SCLT1: variants seen among roughly 807,000 people sequenced by gnomAD.
SCLT1 encodes the protein sodium channel and clathrin linker 1.
A neutral mutation model predicts 112.8 loss-of-function variants in SCLT1; 78 were observed. The observed-to-expected ratio is 0.69, with a 90% CI of 0.58 to 0.83. SCLT1 has a LOEUF of 0.83. SCLT1 is among the 40% of genes least tolerant of loss of function. SCLT1 has a pLI of 0.00. For missense variants in SCLT1, 747 were observed against 770.4 expected (o/e 0.97, Z 0.36); for synonymous variants, 257 against 254.7 (o/e 1.01, Z -0.09).
intron 10 of SCLT1, among the ~76,000 whole-genome samples, chr4:128,965,660 T>A (rs1235229741): frequency 6.6e-6 from 1 of 152,168 alleles, no homozygotes; most frequent in Admixed American, 6.5e-5. Context: ...CTTAACTATA[T>A]TATTCTATGT....
chr4:129,027,970 G>T (rs1204755126), intron 5 of SCLT1, among the ~76,000 whole-genome samples: 4 of 152,054 alleles, frequency 2.6e-5, no homozygotes, highest in Non-Finnish European at 5.9e-5. Flanking sequence ...AACTTACAAG[G>T]GACGGGAAGG....
At position 129,043,396 on chromosome 4, in the gene SCLT1, TG is replaced by T; in HGVS notation, c.232del (p.Gln78ArgfsTer7). On this transcript the variant is annotated frameshift_variant and splice_region_variant, in exon 4 of 21. Transcript: ENST00000281142. LOFTEE classifies it high-confidence loss of function. ...GELNGQLKYY[Q>X]KQVGEMKLQL... ...AGCCTCATAACTATGATTTCATACC[TG>T]GTAATATTTCAGCTGCCCATTTAGT... is the stretch of plus-strand genomic sequence containing the variant. 7.0e-7 allele frequency: 1 copy of T among 1,436,082 alleles called. No individual in the cohort carries two copies. Among genetic ancestry groups the T allele is most frequent in the South Asian group, 1.2e-5 (1 of 83,202 alleles). 89.0% of individuals were successfully genotyped at this position (1,436,082 alleles called of 1,614,324 possible).
chr4:129,081,371 C>T (rs939954529), intron 2 of SCLT1, among the ~76,000 whole-genome samples: 3 of 152,198 alleles, frequency 2.0e-5, no homozygotes, highest in Admixed American at 1.3e-4. Context: ...ACCTTTTAAA[C>T]GCTTATTCTG....
chr4:128,901,490 G>A (rs908872036), intron 18 of SCLT1, among the ~76,000 whole-genome samples: 2 of 147,558 alleles, frequency 1.4e-5, no homozygotes, highest in African/African-American at 5.0e-5. Flanking sequence ...AGGGACACAG[G>A]AAGGGGAACA....
intron 1 of SCLT1, among the ~76,000 whole-genome samples, chr4:129,083,618 T>TGA (rs1045577211): frequency 2.0e-5 from 3 of 152,008 alleles, no homozygotes; most frequent in Admixed American, 6.5e-5. Flanking sequence ...CAGTGAGCTA[T>TGA]GATTGCACTA....
At chr4:129,007,751 A>G (rs1352262060) in intron 5 of SCLT1, among the ~76,000 whole-genome samples, 1 of 152,174 alleles carries the variant, frequency 6.6e-6, no homozygotes, top group East Asian at 1.9e-4. Context: ...ATCTGGGTTT[A>G]TATCTACTAC....
At chr4:129,035,019 C>T (rs952134057) in intron 5 of SCLT1, among the ~76,000 whole-genome samples, 1 of 152,100 alleles carries the variant, frequency 6.6e-6, no homozygotes, top group African/African-American at 2.4e-5. Flanking sequence ...ATTTTATTCA[C>T]TAATGTATCT....
At chr4:129,027,006 A>C (rs1746166037) in intron 5 of SCLT1, among the ~76,000 whole-genome samples, 1 of 152,202 alleles carries the variant, frequency 6.6e-6, no homozygotes, top group Non-Finnish European at 1.5e-5. Flanking sequence ...ACCAGGAAGA[A>C]GTTGAATCTC....
intron 2 of SCLT1, 112 bp downstream of exon 2, chr4:129,082,194 A>G (rs1026662755): frequency 1.1e-5 from 5 of 457,402 alleles, no homozygotes; most frequent in Non-Finnish European, 2.0e-5. Context: ...TACTTTCATT[A>G]AGCAAAAACA....
intron 13 of SCLT1, 57 bp from the exon 14 acceptor site, chr4:128,952,897 T>G (rs1222462392): frequency 9.5e-6 from 8 of 842,190 alleles, no homozygotes; most frequent in Admixed American, 3.8e-5. Flanking sequence ...GATTAATATC[T>G]GATAAAAACA....
At chr4:128,894,703 G>C (rs1733603600) in intron 18 of SCLT1, among the ~76,000 whole-genome samples, 1 of 151,680 alleles carries the variant, frequency 6.6e-6, no homozygotes, top group African/African-American at 2.4e-5. Context: ...TTGTGAGATG[G>C]AGTCTCACTG....
intron 6 of SCLT1, among the ~76,000 whole-genome samples, chr4:129,000,895 A>G (rs1273370146): frequency 6.6e-6 from 1 of 151,876 alleles, no homozygotes; most frequent in East Asian, 1.9e-4. Context: ...CTCTTCTCCT[A>G]AATAACCATT....
At chr4:128,963,664 C>T (rs1739930693) in intron 11 of SCLT1, among the ~76,000 whole-genome samples, 1 of 152,198 alleles carries the variant, frequency 6.6e-6, no homozygotes, top group African/African-American at 2.4e-5. Flanking sequence ...CTCCTTTATA[C>T]TGCCCAAAAT....
intron 17 of SCLT1, among the ~76,000 whole-genome samples, chr4:128,940,361 TAAA>T (rs1737582465): frequency 6.6e-6 from 1 of 151,922 alleles, no homozygotes; most frequent in African/African-American, 2.4e-5. Flanking sequence ...TACAAAGCAT[TAAA>T]AAGACAACTA....
At chr4:128,887,956 A>C (rs1733009976) in intron 20 of SCLT1, among the ~76,000 whole-genome samples, 1 of 152,156 alleles carries the variant, frequency 6.6e-6, no homozygotes, top group Non-Finnish European at 1.5e-5. Flanking sequence ...CTGTTAGTGA[A>C]TCTCTGCCTG....
At chr4:129,088,832 C>T (rs1752607942) in intron 1 of SCLT1, among the ~76,000 whole-genome samples, 1 of 152,164 alleles carries the variant, frequency 6.6e-6, no homozygotes, top group South Asian at 2.1e-4. Context: ...CCTTTCCTTA[C>T]ACCTCATACA....
intron 5 of SCLT1, among the ~76,000 whole-genome samples, chr4:129,034,628 A>C (rs1031461802): frequency 2.6e-5 from 4 of 151,756 alleles, no homozygotes; most frequent in African/African-American, 4.8e-5. Flanking sequence ...TTAAATTTCA[A>C]AAAAACTTTT....
rs147745404 is a variant in SCLT1, at chr4:128,920,440, C to T, written c.1829+16215G>A. Among the ~76,000 whole-genome samples, 312 of 152,254 alleles carry T rather than the reference C, an allele frequency of 2.0e-3. 6 individuals carry two copies. Among genetic ancestry groups the T allele is most frequent in the East Asian group, 0.015 (79 of 5,164 alleles). The stretch of plus-strand genomic sequence containing the variant: ...CCCAATAGCTGGAATTACAGGCACA[C>T]GCCACCACGCCCAGCTAATTTTTGT... On this transcript the variant is annotated intron_variant, in intron 18 of 20. Coordinates refer to ENST00000281142, the MANE Select transcript of SCLT1 (RefSeq NM_144643.4).
At position 129,012,786 on chromosome 4, in the gene SCLT1, C is replaced by CTTT. The variant is rs33941543; in HGVS notation, c.291-8913_291-8911dup. The stretch of plus-strand genomic sequence containing the variant: ...CTTTTACCATTATGTAATGCCATTT[C>CTTT]TTTTTTTTTTTTGCTCTTTTTGGCT... On this transcript the variant is annotated intron_variant, in intron 5 of 20. Transcript: ENST00000281142. Among the ~76,000 whole-genome samples the CTTT allele has an allele frequency of 1.5e-3, 226 of 145,846 alleles. 2 individuals are homozygous for CTTT. In the South Asian group the frequency reaches 0.029, roughly 19 times the overall value.
Sources: gnomAD v4.1 joint callset for allele counts (sites outside exome capture counted in the v4.1 genomes callset) on GRCh38, gnomAD v4.1.1 for gene constraint, MANE v1.5 for transcripts, NCBI Gene and HGNC (gene_info 2026-07-23, HGNC 2026-07-21) for gene names.